The following GSE1 variants were observed in gnomAD, a reference collection of about 807,000 sequenced individuals.
GSE1 encodes genetic suppressor element 1.
GSE1 carries 32 observed loss-of-function variants against 112.6 expected under a neutral mutation model. The ratio of observed to expected loss-of-function variants is 0.28; its 90% CI spans 0.21 to 0.38. GSE1 has a LOEUF of 0.38. GSE1 is among the 10% of genes least tolerant of loss of function. The probability of loss-of-function intolerance (pLI) is 1.00; values close to 1 mark genes in which losing one functional copy is unlikely to be tolerated. For synonymous variants in GSE1, 1,115 were observed against 735.6 expected (o/e 1.52, Z -8.35); for missense variants, 2,348 against 1,699.2 (o/e 1.38, Z -6.71).
At chr16:85,646,742 C>T (rs2050899452) in intron 2 of GSE1, among the ~76,000 whole-genome samples, 1 of 152,136 alleles carries the variant, frequency 6.6e-6, no homozygotes, top group South Asian at 2.1e-4. Context: ...GAGTGTGCAG[C>T]CGTGCACCCC....
chr16:85,324,797 G>A (rs929664560), intron 1 of GSE1, among the ~76,000 whole-genome samples: 1 of 152,090 alleles, frequency 6.6e-6, no homozygotes, highest in Non-Finnish European at 1.5e-5. Flanking sequence ...TGGGGAAGGC[G>A]ATTCCGTCGG....
chr16:85,455,907 C>T (rs150346844), intron 2 of GSE1, among the ~76,000 whole-genome samples: 1 of 152,268 alleles, frequency 6.6e-6, no homozygotes, highest in African/African-American at 2.4e-5. Flanking sequence ...GACCCACCCC[C>T]ACCTCTGGGG....
At chr16:85,573,700 G>T (rs2046102866) in intron 1 of GSE1, among the ~76,000 whole-genome samples, 1 of 152,184 alleles carries the variant, frequency 6.6e-6, no homozygotes, top group African/African-American at 2.4e-5. Flanking sequence ...CCATCACAGT[G>T]GGCGCGTCCG....
At chr16:85,427,281 G>T (rs1454475198) in intron 2 of GSE1, among the ~76,000 whole-genome samples, 3 of 152,178 alleles carry the variant, frequency 2.0e-5, no homozygotes, top group Non-Finnish European at 4.4e-5. Context: ...TGTGAGCCAC[G>T]TGCTGGCTTA....
At chr16:85,587,257 G>A (rs2046749473) in intron 1 of GSE1, among the ~76,000 whole-genome samples, 1 of 152,148 alleles carries the variant, frequency 6.6e-6, no homozygotes, top group Non-Finnish European at 1.5e-5. Flanking sequence ...GAAATAAAGG[G>A]GGAAACGGCG....
At chr16:85,200,331 G>C (rs897495023) in intron 1 of GSE1, among the ~76,000 whole-genome samples, 1 of 151,364 alleles carries the variant, frequency 6.6e-6, no homozygotes, top group Non-Finnish European at 1.5e-5. Context: ...CCTTTATCTA[G>C]TAATCACAGG....
At chr16:85,387,786 G>T (rs1280308715) in intron 2 of GSE1, among the ~76,000 whole-genome samples, 1 of 152,248 alleles carries the variant, frequency 6.6e-6, no homozygotes, top group Non-Finnish European at 1.5e-5. Context: ...CAAAGTAGGT[G>T]ATCAGTAAGT....
intron 2 of GSE1, among the ~76,000 whole-genome samples, chr16:85,466,776 A>G (rs746802272): frequency 1.3e-5 from 2 of 152,074 alleles, no homozygotes; most frequent in Admixed American, 6.6e-5. Flanking sequence ...AGGGAGGAAG[A>G]TGGCTGAACG....
At chr16:85,575,610 A>G (rs1297724091) in intron 1 of GSE1, among the ~76,000 whole-genome samples, 1 of 152,130 alleles carries the variant, frequency 6.6e-6, no homozygotes, top group Non-Finnish European at 1.5e-5. Context: ...CGGGAGGGGC[A>G]TATGGATGTG....
chr16:85,663,446 A>C lies in GSE1; in HGVS notation c.2476A>C (p.Ser826Arg). 6.2e-7 allele frequency: 1 copy of C among 1,613,934 alleles called. No individual in the cohort carries two copies. Among genetic ancestry groups the C allele is most frequent in the Non-Finnish European group, 8.5e-7 (1 of 1,180,042 alleles). Residue 826 changes from serine (S) to arginine (R), a missense_variant, in exon 11 of 16, where the codon AGC becomes CGC. Physicochemically the swap from Ser to Arg is moderately radical, Grantham distance 110 (BLOSUM62 -1). Coordinates refer to ENST00000253458, the MANE Select transcript of GSE1 (RefSeq NM_014615.5). The part of the protein sequence containing the change: ...RKRRRMLRER[S>R]PSPPTIQSKR... The stretch of plus-strand genomic sequence containing the variant: ...GCGGCGGAGGATGCTGCGAGAGAGA[A>C]GCCCGTCGCCCCCAACAATTCAGAG...
chr16:85,523,773 T>C (rs1054165923), intron 2 of GSE1, among the ~76,000 whole-genome samples: 5 of 152,144 alleles, frequency 3.3e-5, no homozygotes, highest in Admixed American at 2.0e-4. Flanking sequence ...TCAGTCTAGG[T>C]GTCACGTTTT....
chr16:85,462,429 C>G (rs138991796), intron 2 of GSE1, among the ~76,000 whole-genome samples: 1 of 152,042 alleles, frequency 6.6e-6, no homozygotes, highest in East Asian at 2.0e-4. Flanking sequence ...TCCCCCTCCT[C>G]CCTGATGAAA....
intron 15 of GSE1, among the ~76,000 whole-genome samples, chr16:85,671,489 C>T (rs2053337205): frequency 6.8e-6 from 1 of 147,134 alleles, no homozygotes; most frequent in African/African-American, 2.5e-5. Context: ...CAATGGCTTA[C>T]ACCTGTAATC....
At chr16:85,671,911 A>G (rs549287022) in intron 15 of GSE1, 1 of 161,340 alleles carries the variant, frequency 6.2e-6, no homozygotes, top group East Asian at 1.8e-4. Flanking sequence ...TGGGGGTTCC[A>G]AGAACTCCGA....
intron 1 of GSE1, chr16:85,582,027 G>C (rs2046469276): frequency 6.6e-6 from 1 of 152,212 alleles, no homozygotes; most frequent in Non-Finnish European, 1.5e-5. Flanking sequence ...ACCTGGGGTG[G>C]AGTGGGTGCT....
At chr16:85,245,184 AAAAC>A (rs1326597427) in intron 1 of GSE1, among the ~76,000 whole-genome samples, 1 of 152,024 alleles carries the variant, frequency 6.6e-6, no homozygotes, top group Non-Finnish European at 1.5e-5. Context: ...AAAACAAAAC[AAAAC>A]ACCCCTGGCT....
chr16:85,314,053 CTGTT>C (rs1192827110), intron 1 of GSE1, among the ~76,000 whole-genome samples: 1 of 151,106 alleles, frequency 6.6e-6, no homozygotes, highest in Non-Finnish European at 1.5e-5. Flanking sequence ...TGTGTCACAG[CTGTT>C]TGTGTGTATA....
intron 1 of GSE1, among the ~76,000 whole-genome samples, chr16:85,204,248 C>T (rs778112952): frequency 1.3e-5 from 2 of 152,212 alleles, no homozygotes; most frequent in Non-Finnish European, 2.9e-5. Context: ...TAGCTTCTCT[C>T]ACTTTGCAAA....
intron 1 of GSE1, among the ~76,000 whole-genome samples, chr16:85,246,989 G>A (rs910339371): frequency 9.2e-5 from 14 of 151,924 alleles, no homozygotes; most frequent in African/African-American, 2.2e-4. Flanking sequence ...TAAGTGGCTC[G>A]GGGGTGGGGG....
Sources: gnomAD v4.1 joint callset for allele counts (sites outside exome capture counted in the v4.1 genomes callset) on GRCh38, gnomAD v4.1.1 for gene constraint, MANE v1.5 for transcripts, NCBI Gene and HGNC (gene_info 2026-07-23, HGNC 2026-07-21) for gene names.